ADD2: variants seen among roughly 807,000 people sequenced by gnomAD.
The protein encoded by ADD2 is beta-adducin.
Under a neutral mutation model 83.0 loss-of-function variants are expected in ADD2, and 23 were observed. That is an observed-to-expected ratio of 0.28 (90% CI 0.20 to 0.39). The LOEUF (loss-of-function observed/expected upper bound fraction) is 0.39. ADD2 is among the 10% of genes least tolerant of loss of function. ADD2 has a pLI of 1.00. For missense variants in ADD2, 758 were observed against 944.9 expected (o/e 0.80, Z 2.59); for synonymous variants, 375 against 375.4 (o/e 1.00, Z 0.01).
intron 8 of ADD2, among the ~76,000 whole-genome samples, chr2:70,689,257 C>T (rs1339631793): frequency 6.6e-6 from 1 of 152,200 alleles, no homozygotes; most frequent in African/African-American, 2.4e-5. Flanking sequence ...GCACAACTCC[C>T]CAAAGTTCAA....
chr2:70,725,814 C>A (rs202076383), intron 1 of ADD2, among the ~76,000 whole-genome samples: 2 of 113,918 alleles, frequency 1.8e-5, no homozygotes, highest in Non-Finnish European at 4.2e-5. Context: ...ATTTTGCTAA[C>A]CTGCAGATTC....
chr2:70,723,151 G>C (rs1355191260), intron 1 of ADD2, among the ~76,000 whole-genome samples: 1 of 152,192 alleles, frequency 6.6e-6, no homozygotes, highest in East Asian at 1.9e-4. Context: ...AAGGGCCTAG[G>C]AATGAATCCC....
chr2:70,748,351 T>C (rs1485309013), intron 1 of ADD2, among the ~76,000 whole-genome samples: 2 of 152,138 alleles, frequency 1.3e-5, no homozygotes, highest in African/African-American at 4.8e-5. Flanking sequence ...GTAGCTATCA[T>C]TGACATTATT....
intron 3 of ADD2, among the ~76,000 whole-genome samples, chr2:70,704,730 G>T (rs1306555284): frequency 2.0e-5 from 3 of 152,208 alleles, no homozygotes; most frequent in African/African-American, 7.2e-5. Flanking sequence ...TCTAAATGAG[G>T]GCCAAGACCC....
intron 1 of ADD2, among the ~76,000 whole-genome samples, chr2:70,742,631 GAAC>G (rs1323928430): frequency 6.6e-6 from 1 of 152,102 alleles, no homozygotes; most frequent in Non-Finnish European, 1.5e-5. Flanking sequence ...GTTGCCTATA[GAAC>G]AACAGTGAAT....
intron 1 of ADD2, among the ~76,000 whole-genome samples, chr2:70,724,333 G>T (rs1288293030): frequency 1.3e-5 from 2 of 152,186 alleles, no homozygotes; most frequent in African/African-American, 4.8e-5. Context: ...TCTAAATGGT[G>T]ACCATTGCAG....
chr2:70,674,561 A>G, intron 14 of ADD2, 117 bp downstream of exon 14: 1 of 1,155,902 alleles, frequency 8.7e-7, no homozygotes, highest in Non-Finnish European at 1.2e-6. Context: ...TGATTAATGG[A>G]ACTACAGTAG....
chr2:70,663,356 G>C lies in ADD2; in HGVS notation c.*69C>G. The stretch of plus-strand genomic sequence containing the variant: ...ATCCCTCCTTAGCCCTGTGCTTGCA[G>C]GGACAGAGATGGGAGAAGGGAAGGG... On this transcript the variant is annotated 3_prime_UTR_variant, in exon 16 of 16. Coordinates refer to ENST00000264436, the MANE Select transcript of ADD2 (RefSeq NM_001617.4). 2.7e-6 allele frequency: 4 copies of C among 1,500,166 alleles called. No homozygotes were observed. The highest frequency in any genetic ancestry group is 1.3e-5 in the South Asian group (1 of 78,578). 92.9% of individuals were successfully genotyped at this position (1,500,166 alleles called of 1,614,324 possible). A position where few individuals can be genotyped will look rare whatever the true frequency, so the allele number is the denominator to read the frequency against.
chr2:70,732,153 A>G (rs1673314584), intron 1 of ADD2, among the ~76,000 whole-genome samples: 4 of 152,224 alleles, frequency 2.6e-5, no homozygotes, highest in Admixed American at 2.6e-4. Context: ...GAAGGAAGGC[A>G]GGACAAAGTG....
At chr2:70,764,258 T>C (rs1574338234) in intron 1 of ADD2, among the ~76,000 whole-genome samples, 2 of 151,958 alleles carry the variant, frequency 1.3e-5, no homozygotes, top group East Asian at 3.9e-4. Context: ...AAGATCTAAT[T>C]CAAATATTGT....
intron 1 of ADD2, among the ~76,000 whole-genome samples, chr2:70,726,840 A>G (rs1231621782): frequency 6.6e-6 from 1 of 152,148 alleles, no homozygotes; most frequent in African/African-American, 2.4e-5. Flanking sequence ...ACGTTTTTAA[A>G]AAGCTGGTCT....
At chr2:70,688,943 A>C (rs1553371022) in intron 8 of ADD2, among the ~76,000 whole-genome samples, 1 of 152,108 alleles carries the variant, frequency 6.6e-6, no homozygotes, top group Non-Finnish European at 1.5e-5. Flanking sequence ...CTAAAAATAC[A>C]AAAATTAAAA....
intron 1 of ADD2, among the ~76,000 whole-genome samples, chr2:70,742,398 A>G (rs1673964173): frequency 1.3e-5 from 2 of 152,168 alleles, no homozygotes. Flanking sequence ...GCTCTTGACA[A>G]GGCAGAACTA....
intron 1 of ADD2, among the ~76,000 whole-genome samples, chr2:70,739,557 T>C (rs1227757182): frequency 2.6e-5 from 4 of 152,236 alleles, no homozygotes; most frequent in Non-Finnish European, 5.9e-5. Flanking sequence ...ATATAAATCA[T>C]TCTACCATGA....
chr2:70,696,128 C>T, intron 5 of ADD2, 117 bp downstream of exon 5: 1 of 1,371,496 alleles, frequency 7.3e-7, no homozygotes, highest in South Asian at 1.4e-5. Flanking sequence ...GGGTTCAGTG[C>T]ATTTTAGCCA....
chr2:70,685,332 G>A (rs1169641603), intron 9 of ADD2, among the ~76,000 whole-genome samples: 2 of 152,140 alleles, frequency 1.3e-5, no homozygotes, highest in African/African-American at 4.8e-5. Context: ...CTTCTCTGAG[G>A]TCAGCCAGGC....
In ADD2 at chr2:70,676,904, G is replaced by A. The variant is rs782710875; in HGVS notation, c.1504-19C>T. 3 of 1,608,064 alleles carry A rather than the reference G, an allele frequency of 1.9e-6. No homozygotes were observed. Among genetic ancestry groups the A allele is most frequent in the African/African-American group, 2.7e-5 (2 of 74,956 alleles). ...CTCGAATCTGTGTGGAAAGGGGAGA[G>A]GAAGAGTGAGCTGGCTGTTCAGGGT... On this transcript the variant is annotated intron_variant, in intron 12 of 15. Coordinates refer to ENST00000264436, the MANE Select transcript of ADD2 (RefSeq NM_001617.4). This position sits in a 1 kb window ranked among gnomAD's most constrained non-coding sequence, Gnocchi z 4.8.
rs374714176 is a variant in ADD2 at position 70,730,046 on chromosome 2, A to G, written c.-153-16862T>C. On this transcript the variant is annotated intron_variant, in intron 1 of 15. Transcript: ENST00000264436. ...AAAGTAATAGTTACTTAAGAGTGCC[A>G]TATATTTTAAACACACAGTGCTTCT... Among the ~76,000 whole-genome samples the G allele has an allele frequency of 3.1e-3, 479 of 152,366 alleles. 3 individuals are homozygous for G. The highest frequency in any genetic ancestry group is 0.011 in the African/African-American group (441 of 41,582).
At chr2:70,686,770 A>G (rs1670746776) in intron 9 of ADD2, among the ~76,000 whole-genome samples, 1 of 152,162 alleles carries the variant, frequency 6.6e-6, no homozygotes, top group African/African-American at 2.4e-5. Flanking sequence ...ACATCACATC[A>G]GAAAGGCACC....
Sources: allele counts gnomAD v4.1 joint callset (sites outside exome capture counted in the v4.1 genomes callset), GRCh38; gene constraint gnomAD v4.1.1; non-coding constraint Gnocchi (gnomAD v3.1); transcripts MANE v1.5; gene names NCBI Gene and HGNC (gene_info 2026-07-23, HGNC 2026-07-21).